Variants in ASRGL1 observed in about 807,000 individuals in gnomAD.
ASRGL1 encodes the protein asparaginase and isoaspartyl peptidase 1.
A neutral mutation model predicts 22.4 loss-of-function variants in ASRGL1; 16 were observed. The ratio of observed to expected loss-of-function variants is 0.71; its 90% CI spans 0.48 to 1.08. ASRGL1 has a LOEUF of 1.08. Among genes scored for constraint, ASRGL1 ranks in the 50% least tolerant of loss-of-function variants. The pLI is 0.00. For synonymous variants in ASRGL1, 165 were observed against 159.3 expected (o/e 1.04, Z -0.27); for missense variants, 412 against 410.1 (o/e 1.00, Z -0.04).
At chr11:62,375,461 T>C (rs185857526) in intron 4 of ASRGL1, among the ~76,000 whole-genome samples, 3,084 of 96,800 alleles carry the variant, frequency 0.032, 304 homozygotes, top group African/African-American at 0.13. Flanking sequence ...TATATATATA[T>C]ATATATATAT....
At chr11:62,400,812 G>C in the ASRGL1 span, among the ~76,000 whole-genome samples, 1 of 152,100 alleles carries the variant, frequency 6.6e-6, no homozygotes, top group Non-Finnish European at 1.5e-5. Context: ...CACCAAGCTG[G>C]GTCACAACCA....
chr11:62,392,724 C>G lies in ASRGL1; in HGVS notation c.*440C>G, dbSNP rs1422475668. Reference sequence around the variant, plus strand: ...GTGGAGCTGTTTGAAAGTGACACAGCAGCAGTAGAAGCAGTGGTGGGCGAA... The same window carrying G: ...GTGGAGCTGTTTGAAAGTGACACAGGAGCAGTAGAAGCAGTGGTGGGCGAA... On this transcript the variant is annotated 3_prime_UTR_variant, in exon 7 of 7. Transcript: ENST00000415229. 5.2e-6 allele frequency: 1 copy of G among 194,066 alleles called. No homozygotes were observed. The highest frequency in any genetic ancestry group is 5.4e-5 in the Admixed American group (1 of 18,680). The allele number at this position is 194,066 out of a possible 1,614,324, so 12.0% of individuals were successfully genotyped here. A position where few individuals can be genotyped will look rare whatever the true frequency, so the allele number is the denominator to read the frequency against.
intron 4 of ASRGL1, chr11:62,371,885 C>T: frequency 1.9e-6 from 1 of 538,084 alleles, no homozygotes; most frequent in South Asian, 2.1e-5. Context: ...ACCCGGGAGG[C>T]GGAGCTTGCA....
At chr11:62,349,871 C>T (rs1324274393) in intron 2 of ASRGL1, among the ~76,000 whole-genome samples, 1 of 152,012 alleles carries the variant, frequency 6.6e-6, no homozygotes, top group Admixed American at 6.6e-5. Context: ...CCTTTTTAGA[C>T]CACATAGGGG....
intron 4 of ASRGL1, among the ~76,000 whole-genome samples, chr11:62,362,891 A>AT (rs60507577): frequency 1.2e-4 from 6 of 50,366 alleles, no homozygotes; most frequent in African/African-American, 4.9e-4. Context: ...AAAGGATTTA[A>AT]TTTTTTTTTT....
chr11:62,384,012 ATGTGTGTGTGTGCACGTGTGTGCGTG>A (rs1488696432), intron 4 of ASRGL1, among the ~76,000 whole-genome samples: 3 of 150,638 alleles, frequency 2.0e-5, no homozygotes, highest in Admixed American at 6.6e-5. Context: ...GTGTGTGTGC[ATGTGTGTGTGTGCACGTGTGTGCGTG>A]TGTGTGTGTG....
At position 62,370,683 on chromosome 11, in the gene ASRGL1, G is replaced by C. The variant is rs185206968; in HGVS notation, c.491+13539G>C. 2.8e-4 allele frequency among the ~76,000 whole-genome samples: 42 copies of C among 152,256 alleles called. No individual in the cohort carries two copies. The East Asian group carries it at 7.3e-3, about 27-fold the overall frequency. Reference sequence around the variant, plus strand: ...ACAATTGAGTTTGTCCTGTGCAATTGTGGTAGCATTGACCTCAAGGTGCCC... The same window carrying C: ...ACAATTGAGTTTGTCCTGTGCAATTCTGGTAGCATTGACCTCAAGGTGCCC... On this transcript the variant is annotated intron_variant, in intron 4 of 6. Transcript: ENST00000415229.
At chr11:62,362,776 AT>A (rs1365781679) in intron 4 of ASRGL1, among the ~76,000 whole-genome samples, 5 of 107,478 alleles carry the variant, frequency 4.7e-5, no homozygotes, top group African/African-American at 7.1e-5. Context: ...ATAAATTTAA[AT>A]TTTTTTTCTG....
At chr11:62,374,345 C>T (rs1241796481) in intron 4 of ASRGL1, among the ~76,000 whole-genome samples, 14 of 152,162 alleles carry the variant, frequency 9.2e-5, no homozygotes, top group East Asian at 7.7e-4. Flanking sequence ...GTGCCTTTCC[C>T]GGAACCCTCC....
chr11:62,360,969 C>T (rs1034314611), intron 4 of ASRGL1, among the ~76,000 whole-genome samples: 2 of 152,084 alleles, frequency 1.3e-5, no homozygotes, highest in Non-Finnish European at 2.9e-5. Flanking sequence ...ACCGTCAGTA[C>T]AGTGTGTGCA....
chr11:62,373,651 C>T (rs1946835164), intron 4 of ASRGL1, among the ~76,000 whole-genome samples: 1 of 152,262 alleles, frequency 6.6e-6, no homozygotes, highest in South Asian at 2.1e-4. Context: ...AAATCATGCT[C>T]GCGTGCTTCG....
chr11:62,345,952 A>G (rs1946008312), intron 2 of ASRGL1, among the ~76,000 whole-genome samples: 1 of 152,166 alleles, frequency 6.6e-6, no homozygotes, highest in East Asian at 1.9e-4. Flanking sequence ...CCAGTTCCTA[A>G]CAGGCCACAG....
intron 2 of ASRGL1, among the ~76,000 whole-genome samples, chr11:62,339,372 G>A (rs1389680216): frequency 6.6e-6 from 1 of 152,104 alleles, no homozygotes; most frequent in Non-Finnish European, 1.5e-5. Context: ...AAGGGAGGAG[G>A]GAATAATGAG....
intron 2 of ASRGL1, among the ~76,000 whole-genome samples, chr11:62,354,851 G>A (rs148802827): frequency 6.0e-4 from 91 of 152,246 alleles, no homozygotes; most frequent in African/African-American, 2.2e-3. Context: ...GCCAAGGAAA[G>A]AAAATGAAGC....
At chr11:62,371,772 G>A in intron 4 of ASRGL1, 1 of 485,116 alleles carries the variant, frequency 2.1e-6, no homozygotes, top group Non-Finnish European at 3.9e-6. Flanking sequence ...CTAACACGGT[G>A]AAACCCCGTC....
chr11:62,337,725 C>T (rs1199614871), intron 1 of ASRGL1, among the ~76,000 whole-genome samples, 151 bp downstream of exon 1: 1 of 67,452 alleles, frequency 1.5e-5, no homozygotes, highest in Non-Finnish European at 3.4e-5. Flanking sequence ...GTTAACGTCC[C>T]CGGGGAAACT....
intron 2 of ASRGL1, among the ~76,000 whole-genome samples, chr11:62,339,516 A>C (rs1945813704): frequency 6.6e-6 from 1 of 152,172 alleles, no homozygotes; most frequent in Middle Eastern, 3.2e-3. Context: ...AGCTAATATG[A>C]GTATCTACCA....
At chr11:62,362,638 T>TATAA (rs1565162339) in intron 4 of ASRGL1, among the ~76,000 whole-genome samples, 554 of 22,634 alleles carry the variant, frequency 0.024, 84 homozygotes, top group African/African-American at 0.043. Context: ...AAAATATATA[T>TATAA]AATATATAAT....
At chr11:62,391,007 T>C (rs887126135) in intron 5 of ASRGL1, among the ~76,000 whole-genome samples, 2 of 152,160 alleles carry the variant, frequency 1.3e-5, no homozygotes, top group Non-Finnish European at 2.9e-5. Context: ...CCCACTTAAG[T>C]GGATAGCCCA....
Sources: allele counts gnomAD v4.1 joint callset (sites outside exome capture counted in the v4.1 genomes callset), GRCh38; gene constraint gnomAD v4.1.1; transcripts MANE v1.5; gene names NCBI Gene and HGNC (gene_info 2026-07-23, HGNC 2026-07-21).